The following PRKN variants were observed in gnomAD, a reference collection of about 807,000 sequenced individuals.
PRKN encodes the protein E3 ubiquitin-protein ligase parkin.
Under a neutral mutation model 59.5 loss-of-function variants are expected in PRKN, and 56 were observed. That is an observed-to-expected ratio of 0.94 (90% CI 0.76 to 1.18). The LOEUF is 1.18. Among genes scored for constraint, PRKN ranks in the 50% most tolerant of loss-of-function variants. PRKN has a pLI of 0.00. For missense variants in PRKN, 657 were observed against 596.4 expected, an observed-to-expected ratio of 1.10 and a Z score of -1.06; for synonymous variants, 250 against 222.1, an observed-to-expected ratio of 1.13 and a Z score of -1.12.
chr6:162,687,102 A>C (rs1188587746), intron 1 of PRKN, among the ~76,000 whole-genome samples: 1 of 151,670 alleles, frequency 6.6e-6, no homozygotes, highest in Non-Finnish European at 1.5e-5. Flanking sequence ...AATTGCATTG[A>C]ATCTGTACAC....
At position 162,024,962 on chromosome 6, in the gene PRKN, T is replaced by C. The variant is rs1783366151; in HGVS notation, c.618+29129A>G. 2.6e-5 allele frequency among the ~76,000 whole-genome samples: 4 copies of C among 152,046 alleles called. 1 individual carries two copies. In the South Asian group the frequency reaches 8.3e-4, roughly 31 times the overall value. Reference sequence around the variant, plus strand: ...ATGAAACATTTATTACATATTTTTATATATGTATATAACTTCTATACGTTT... The same window carrying C: ...ATGAAACATTTATTACATATTTTTACATATGTATATAACTTCTATACGTTT... On this transcript the variant is annotated intron_variant, in intron 5 of 11. Coordinates refer to ENST00000366898, the MANE Select transcript of PRKN (RefSeq NM_004562.3).
chr6:161,726,684 C>T (rs1256322315), intron 7 of PRKN, among the ~76,000 whole-genome samples: 4 of 151,974 alleles, frequency 2.6e-5, no homozygotes, highest in African/African-American at 4.8e-5. Context: ...CCATGACATA[C>T]AAATTTGATG....
chr6:162,465,296 T>C lies in PRKN; in HGVS notation c.8-21823A>G, dbSNP rs576916972. Among the ~76,000 whole-genome samples, 5 of 152,352 alleles carry C rather than the reference T, an allele frequency of 3.3e-5. No individual in the cohort carries two copies. The South Asian group carries it at 1.0e-3, about 32-fold the overall frequency. On this transcript the variant is annotated intron_variant, in intron 1 of 11. Coordinates refer to ENST00000366898, the MANE Select transcript of PRKN (RefSeq NM_004562.3). ...TTAACATCTGACTTTTGTTGCTGTT[T>C]ATAATATTACCCTTTATTTTCCTTC...
chr6:162,357,969 C>T (rs9356011), intron 2 of PRKN, among the ~76,000 whole-genome samples: 46,849 of 152,012 alleles, frequency 0.31, 8,294 homozygotes, highest in African/African-American at 0.49. Flanking sequence ...TGCTCTTCTG[C>T]ATGACGTTAT....
rs1167970255 is a variant in PRKN at position 161,369,214 on chromosome 6, A to C, written c.1168-9009T>G. Among the ~76,000 whole-genome samples, 5 of 152,234 alleles carry C rather than the reference A, an allele frequency of 3.3e-5. No individual in the cohort carries two copies. The highest frequency in any genetic ancestry group is 1.2e-4 in the African/African-American group (5 of 41,468). ...AAATCCTTCTGGAGTGATCTCAAGC[A>C]GTGGCTGGGTGCCCACAGGTTCAAG... is the stretch of plus-strand genomic sequence containing the variant. On this transcript the variant is annotated intron_variant, in intron 10 of 11. Transcript: ENST00000366898. The surrounding 1 kb of genome is among the most constrained non-coding windows in gnomAD (Gnocchi z 5.8).
intron 9 of PRKN, among the ~76,000 whole-genome samples, chr6:161,449,548 A>G (rs1292103673): frequency 1.3e-5 from 2 of 152,152 alleles, no homozygotes; most frequent in African/African-American, 2.4e-5. Flanking sequence ...TTCATATTCC[A>G]TGGAAATCTT....
chr6:162,479,794 G>A (rs900014695), intron 1 of PRKN, among the ~76,000 whole-genome samples: 14 of 149,736 alleles, frequency 9.3e-5, no homozygotes, highest in Non-Finnish European at 1.8e-4. Context: ...GGAGCCAGGC[G>A]CAGTGGCTCA....
At chr6:161,898,663 T>A (rs1221785593) in intron 6 of PRKN, among the ~76,000 whole-genome samples, 2 of 152,204 alleles carry the variant, frequency 1.3e-5, no homozygotes, top group African/African-American at 2.4e-5. Flanking sequence ...GGCGAAGCTA[T>A]CTGGGTAGAC....
At chr6:162,547,820 G>A (rs1277165086) in intron 1 of PRKN, among the ~76,000 whole-genome samples, 1 of 152,026 alleles carries the variant, frequency 6.6e-6, no homozygotes, top group African/African-American at 2.4e-5. Context: ...GACCTCAGGA[G>A]ATACATCCAC....
intron 7 of PRKN, among the ~76,000 whole-genome samples, chr6:161,731,253 C>T (rs1311134768): frequency 6.6e-6 from 1 of 152,244 alleles, no homozygotes; most frequent in Non-Finnish European, 1.5e-5. Flanking sequence ...TGGACCCATC[C>T]ATGGGTGTGA....
intron 1 of PRKN, among the ~76,000 whole-genome samples, chr6:162,543,627 G>T (rs1040173458): frequency 1.3e-5 from 2 of 152,108 alleles, no homozygotes; most frequent in Admixed American, 6.6e-5. Flanking sequence ...GAGGAGGAGA[G>T]AGTTCTGTAA....
intron 5 of PRKN, among the ~76,000 whole-genome samples, chr6:162,012,141 A>C (rs1017203362): frequency 6.6e-6 from 1 of 152,104 alleles, no homozygotes; most frequent in Admixed American, 6.6e-5. Context: ...TTTAACCATG[A>C]TGTCAGCCTT....
In PRKN at chr6:161,401,477, G is replaced by T. The variant is rs953127167; in HGVS notation, c.1084-14600C>A. Reference sequence around the variant, plus strand: ...AATACAAAAACGTTAGCTGGGCGTGGTGGTGGACGCCTGTAATCCCAGCTA... The same window carrying T: ...AATACAAAAACGTTAGCTGGGCGTGTTGGTGGACGCCTGTAATCCCAGCTA... On this transcript the variant is annotated intron_variant, in intron 9 of 11. Transcript: ENST00000366898. This position sits in a 1 kb window ranked among gnomAD's most constrained non-coding sequence, Gnocchi z 4.4. Among the ~76,000 whole-genome samples the T allele has an allele frequency of 6.6e-6, 1 of 152,098 alleles. No homozygotes were observed. The highest frequency in any genetic ancestry group is 2.4e-5 in the African/African-American group (1 of 41,398).
intron 2 of PRKN, among the ~76,000 whole-genome samples, chr6:162,266,281 C>T (rs1220485058): frequency 1.3e-5 from 2 of 148,876 alleles, no homozygotes; most frequent in Non-Finnish European, 3.0e-5. Flanking sequence ...AGAGCTTGGA[C>T]AGTATATACA....
In PRKN at chr6:162,202,764, A is replaced by G. The variant is rs118008617; in HGVS notation, c.413-1512T>C. Among the ~76,000 whole-genome samples the G allele has an allele frequency of 2.7e-4, 41 of 152,346 alleles. 1 individual carries two copies. In the East Asian group the frequency reaches 7.3e-3, roughly 27 times the overall value. ...TGAAATATCTGTAATATGTAAGTAA[A>G]TGTTAATGGAAATATTTGTAACATA... On this transcript the variant is annotated intron_variant, in intron 3 of 11. Coordinates refer to ENST00000366898, the MANE Select transcript of PRKN (RefSeq NM_004562.3).
chr6:161,950,781 T>C lies in PRKN; in HGVS notation c.734+22521A>G, dbSNP rs912567820. ...CACAAAATGCAATGGGGTTTCAATA[T>C]AAAAGAAGGTTCAGAAGGCATCACA... is the stretch of plus-strand genomic sequence containing the variant. On this transcript the variant is annotated intron_variant, in intron 6 of 11. Transcript: ENST00000366898. Among the ~76,000 whole-genome samples the C allele has an allele frequency of 1.5e-3, 232 of 151,940 alleles. 5 individuals carry two copies. The highest frequency in any genetic ancestry group is 3.1e-4 in the Non-Finnish European group (21 of 67,998).
chr6:161,927,318 C>A (rs142328829), intron 6 of PRKN, among the ~76,000 whole-genome samples: 5 of 152,198 alleles, frequency 3.3e-5, no homozygotes, highest in Non-Finnish European at 7.4e-5. Context: ...TACATCACTA[C>A]GTCTTACATA....
chr6:162,546,100 GTTTTTTTTT>G (rs11396761), intron 1 of PRKN, among the ~76,000 whole-genome samples: 1 of 116,662 alleles, frequency 8.6e-6, no homozygotes, highest in African/African-American at 3.5e-5. Flanking sequence ...AGTGTATGCA[GTTTTTTTTT>G]TTTTTTTTTT....
rs1034897640 is a variant in PRKN, at chr6:161,880,033, G to A, written c.734+93269C>T. On this transcript the variant is annotated intron_variant, in intron 6 of 11. Transcript: ENST00000366898. ...AAAGAAGCTTGGAGTCTGATACTAT[G>A]TGAAATATAAACAGTAACTTGGGGA... 2.0e-5 allele frequency among the ~76,000 whole-genome samples: 3 copies of A among 152,106 alleles called. No homozygotes were observed. The East Asian group carries it at 5.8e-4, about 29-fold the overall frequency.
Sources: gnomAD v4.1 joint callset for allele counts (sites outside exome capture counted in the v4.1 genomes callset) on GRCh38, gnomAD v4.1.1 for gene constraint, Gnocchi (gnomAD v3.1) non-coding constraint, MANE v1.5 for transcripts, NCBI Gene and HGNC (gene_info 2026-07-23, HGNC 2026-07-21) for gene names.